Variants in CWC22 observed in about 807,000 individuals in gnomAD.
CWC22 encodes the protein CWC22 spliceosome associated protein, also known as pre-mRNA-splicing factor CWC22 homolog.
A neutral mutation model predicts 117.2 loss-of-function variants in CWC22; 53 were observed. The ratio of observed to expected loss-of-function variants is 0.45; its 90% CI spans 0.36 to 0.57. The LOEUF is 0.57. Among genes scored for constraint, CWC22 ranks in the 20% least tolerant of loss-of-function variants. The pLI is 0.00. For synonymous variants in CWC22, 360 were observed against 355.6 expected (o/e 1.01, Z -0.14); for missense variants, 980 against 1,068.8 (o/e 0.92, Z 1.16).
chr2:179,945,208 C>A lies in CWC22; in HGVS notation c.2648G>T (p.Ser883Ile), dbSNP rs1192845026. The A allele has an allele frequency of 8.7e-6, 14 of 1,613,736 alleles. No homozygotes were observed. Among genetic ancestry groups the A allele is most frequent in the Non-Finnish European group, 1.2e-5 (14 of 1,179,820 alleles). Residue 883 changes from serine to isoleucine, a missense_variant, in exon 20 of 20, where the codon AGC becomes ATC. Ser to Ile is a moderately radical substitution (Grantham distance 142). Coordinates refer to ENST00000410053, the MANE Select transcript of CWC22 (RefSeq NM_020943.3). Reference protein sequence around the residue: ...NGAERRWEKSSRYSEQSRESK... With the variant: ...NGAERRWEKSIRYSEQSRESK... ...TTCTCTGGATTGTTCAGAGTATCTGCTAGATTTTTCCCATCGTCTCTCGGC... is the reference window on the plus strand; with the variant it reads ...TTCTCTGGATTGTTCAGAGTATCTGATAGATTTTTCCCATCGTCTCTCGGC...
At chr2:179,998,938 T>C (rs1056348495) in intron 1 of CWC22, among the ~76,000 whole-genome samples, 15 of 152,186 alleles carry the variant, frequency 9.9e-5, no homozygotes, top group African/African-American at 3.6e-4. Context: ...TGCATTTTAT[T>C]TCTATTTAAA....
intron 13 of CWC22, 126 bp downstream of exon 13, chr2:179,964,419 GGA>G (rs1380673550): frequency 3.7e-6 from 2 of 538,200 alleles, no homozygotes; most frequent in Non-Finnish European, 6.6e-6. Context: ...ATGGGATGGG[GGA>G]GAGAGTCTAA....
intron 1 of CWC22, among the ~76,000 whole-genome samples, chr2:180,005,175 C>A (rs1403261446): frequency 6.6e-6 from 1 of 152,166 alleles, no homozygotes; most frequent in Non-Finnish European, 1.5e-5. Context: ...AACCAATACA[C>A]CAGTGTATTA....
At chr2:179,973,333 T>C in intron 7 of CWC22, 87 bp from the exon 8 acceptor site, 1 of 885,640 alleles carries the variant, frequency 1.1e-6, no homozygotes, top group Non-Finnish European at 1.8e-6. Flanking sequence ...ACATCATCTA[T>C]TTAAAACATG....
chr2:179,958,890 A>G, intron 14 of CWC22, 132 bp downstream of exon 14: 1 of 556,004 alleles, frequency 1.8e-6, no homozygotes, highest in East Asian at 2.9e-5. Flanking sequence ...TTAAAATGAT[A>G]TAAAACCTAC....
intron 19 of CWC22, among the ~76,000 whole-genome samples, chr2:179,948,398 T>A (rs1686362404): frequency 6.7e-5 from 1 of 14,890 alleles, no homozygotes; most frequent in African/African-American, 1.9e-4. Context: ...CATTAGGTGA[T>A]TTTTTAACCA....
At chr2:179,997,868 T>C (rs1210537519) in intron 1 of CWC22, among the ~76,000 whole-genome samples, 2 of 152,096 alleles carry the variant, frequency 1.3e-5, no homozygotes, top group African/African-American at 4.8e-5. Context: ...TCAAGCAAGG[T>C]GACAGGTTGG....
intron 6 of CWC22, among the ~76,000 whole-genome samples, chr2:179,976,808 T>G (rs1041105895): frequency 5.9e-5 from 9 of 152,184 alleles, no homozygotes; most frequent in African/African-American, 2.2e-4. Context: ...GGTAGAAATA[T>G]AAATTAGTAC....
chr2:179,997,546 G>A (rs898930222), intron 1 of CWC22, among the ~76,000 whole-genome samples: 4 of 152,030 alleles, frequency 2.6e-5, no homozygotes, highest in African/African-American at 7.2e-5. Flanking sequence ...TGGCTATAAA[G>A]GTATAGAGAG....
intron 1 of CWC22, among the ~76,000 whole-genome samples, chr2:180,001,235 C>A (rs1282130066): frequency 6.6e-6 from 1 of 151,932 alleles, no homozygotes; most frequent in Non-Finnish European, 1.5e-5. Flanking sequence ...GGGCAAATTC[C>A]CTTTATCCTG....
intron 13 of CWC22, among the ~76,000 whole-genome samples, chr2:179,962,570 T>C (rs1370927655): frequency 4.6e-5 from 7 of 152,194 alleles, no homozygotes; most frequent in Non-Finnish European, 1.0e-4. Context: ...CAATTCTCTA[T>C]TAACCTAATT....
chr2:179,977,593 T>C (rs189811492), intron 6 of CWC22, among the ~76,000 whole-genome samples: 26 of 152,304 alleles, frequency 1.7e-4, no homozygotes, highest in African/African-American at 6.3e-4. Flanking sequence ...TGTTGGTCAA[T>C]GGACACAAAA....
intron 1 of CWC22, among the ~76,000 whole-genome samples, chr2:179,998,015 T>C (rs1687751782): frequency 6.6e-6 from 1 of 152,140 alleles, no homozygotes; most frequent in Non-Finnish European, 1.5e-5. Context: ...GGGGCCCACC[T>C]CTGACTTACA....
At chr2:179,978,467 G>A in intron 5 of CWC22, 149 bp from the exon 6 acceptor site, 1 of 820,624 alleles carries the variant, frequency 1.2e-6, no homozygotes, top group Middle Eastern at 4.1e-4. Context: ...ATGCCTATCA[G>A]GATAAATAGA....
chr2:179,981,477 A>G (rs1047656243), intron 5 of CWC22, among the ~76,000 whole-genome samples: 2 of 152,210 alleles, frequency 1.3e-5, no homozygotes, highest in Non-Finnish European at 2.9e-5. Context: ...GAAAGGAACA[A>G]TAGTTTGAAC....
At chr2:179,967,177 C>T (rs1319575802) in intron 11 of CWC22, among the ~76,000 whole-genome samples, 3 of 152,180 alleles carry the variant, frequency 2.0e-5, no homozygotes, top group South Asian at 2.1e-4. Flanking sequence ...CTGGGTCAGT[C>T]GAAGGTGCTA....
chr2:179,997,927 C>G (rs12465592), intron 1 of CWC22, among the ~76,000 whole-genome samples: 13,519 of 152,176 alleles, frequency 0.089, 718 homozygotes, highest in Non-Finnish European at 0.13. Flanking sequence ...CAGTGTAAAA[C>G]TAGTTTGATG....
chr2:179,946,671 T>C (rs2105502626), intron 19 of CWC22, among the ~76,000 whole-genome samples: 1 of 152,302 alleles, frequency 6.6e-6, no homozygotes, highest in African/African-American at 2.4e-5. Flanking sequence ...TAGAGTGTTA[T>C]TCATAGGACT....
intron 14 of CWC22, among the ~76,000 whole-genome samples, chr2:179,957,279 GA>G (rs757554460): frequency 4.0e-5 from 6 of 151,584 alleles, no homozygotes; most frequent in South Asian, 4.2e-4. Flanking sequence ...ACAAAACTTT[GA>G]AAGGGAAAAA....
Sources: allele counts gnomAD v4.1 joint callset (sites outside exome capture counted in the v4.1 genomes callset), GRCh38; gene constraint gnomAD v4.1.1; transcripts MANE v1.5; gene names NCBI Gene and HGNC (gene_info 2026-07-23, HGNC 2026-07-21).